Variants in SPAG5 observed in about 807,000 individuals in gnomAD.
SPAG5 encodes sperm-associated antigen 5.
Under a neutral mutation model 145.4 loss-of-function variants are expected in SPAG5, and 99 were observed. The observed-to-expected ratio is 0.68, with a 90% CI of 0.58 to 0.80. The LOEUF (loss-of-function observed/expected upper bound fraction) is 0.80. SPAG5 is among the 30% of genes least tolerant of loss of function. The pLI is 0.00. For missense variants in SPAG5, 1,192 were observed against 1,416.0 expected (o/e 0.84, Z 2.54); for synonymous variants, 477 against 525.4 (o/e 0.91, Z 1.26).
At chr17:28,579,639 G>C in intron 17 of SPAG5, 112 bp downstream of exon 17, 1 of 1,382,110 alleles carries the variant, frequency 7.2e-7, no homozygotes, top group East Asian at 2.3e-5. Flanking sequence ...AATAAAATGA[G>C]CCCAAGTAGA....
intron 2 of SPAG5, among the ~76,000 whole-genome samples, chr17:28,598,202 G>A (rs1054300256): frequency 6.6e-6 from 1 of 152,112 alleles, no homozygotes; most frequent in African/African-American, 2.4e-5. Flanking sequence ...TGACCTTTCC[G>A]TAAGTGACCC....
chr17:28,599,007 G>T lies in SPAG5; in HGVS notation c.-61C>A. On this transcript the variant is annotated 5_prime_UTR_variant, in exon 1 of 24. Coordinates refer to ENST00000321765, the MANE Select transcript of SPAG5 (RefSeq NM_006461.4). ...CAAGTCGAGGACGCCATGTTCACCCGCCGTCTGTGTTTGAACCTGCTCTGC... is the reference window on the plus strand; with the variant it reads ...CAAGTCGAGGACGCCATGTTCACCCTCCGTCTGTGTTTGAACCTGCTCTGC... The T allele has an allele frequency of 6.5e-7, 1 of 1,542,766 alleles. No individual in the cohort carries two copies.
chr17:28,585,739 G>T (rs1417901518), intron 7 of SPAG5, 86 bp from the exon 8 acceptor site: 1 of 1,607,470 alleles, frequency 6.2e-7, no homozygotes, highest in Admixed American at 1.7e-5. Flanking sequence ...CAATAGATCA[G>T]TTCTTTACTG....
rs1301956747 is a variant in SPAG5 at position 28,596,844 on chromosome 17, G to A, written c.177+1666C>T. On this transcript the variant is annotated intron_variant, in intron 2 of 23. Coordinates refer to ENST00000321765, the MANE Select transcript of SPAG5 (RefSeq NM_006461.4). ...ATTCAGGCCGGGCACAGTGGCTCAC[G>A]CCTATAATCCCAGCACTTTGGAAGG... Among the ~76,000 whole-genome samples the A allele has an allele frequency of 2.4e-4, 35 of 147,434 alleles. 1 individual carries two copies. The highest frequency in any genetic ancestry group is 4.4e-4 in the South Asian group (2 of 4,578).
intron 2 of SPAG5, 45 bp downstream of exon 2, chr17:28,598,465 C>G (rs933722798): frequency 6.2e-7 from 1 of 1,602,292 alleles, no homozygotes; most frequent in South Asian, 1.1e-5. Context: ...GAGCTCTCAC[C>G]CTGGGCAAAC....
chr17:28,586,265 C>T, intron 5 of SPAG5, 83 bp from the exon 6 acceptor site: 2 of 1,307,200 alleles, frequency 1.5e-6, no homozygotes, highest in Non-Finnish European at 2.2e-6. Context: ...AACCGCTAAC[C>T]CCAATTCCAA....
At chr17:28,582,585 ATC>A (rs2070555973) in intron 15 of SPAG5, 1 of 152,246 alleles carries the variant, frequency 6.6e-6, no homozygotes, top group South Asian at 2.1e-4. Flanking sequence ...ACAAGTTTAC[ATC>A]TGTTTGTCTT....
chr17:28,596,934 G>A (rs1597600039), intron 2 of SPAG5, among the ~76,000 whole-genome samples: 1 of 145,978 alleles, frequency 6.9e-6, no homozygotes, highest in South Asian at 2.2e-4. Flanking sequence ...GGAGAAACCC[G>A]TCTTTACTGA....
At chr17:28,598,659 G>C in intron 1 of SPAG5, 24 bp from the exon 2 acceptor site, 2 of 1,578,080 alleles carry the variant, frequency 1.3e-6, no homozygotes, top group South Asian at 1.2e-5. Flanking sequence ...CAAGAAAGAG[G>C]GCGAGTGTGA....
intron 1 of SPAG5, 77 bp downstream of exon 1, chr17:28,598,819 C>A (rs2070688462): frequency 7.0e-6 from 11 of 1,575,314 alleles, no homozygotes; most frequent in Non-Finnish European, 9.6e-6. Flanking sequence ...ACCCAACTTT[C>A]CAGGACAGTA....
Sources: allele counts gnomAD v4.1 joint callset (sites outside exome capture counted in the v4.1 genomes callset), GRCh38; gene constraint gnomAD v4.1.1; transcripts MANE v1.5; gene names NCBI Gene and HGNC (gene_info 2026-07-23, HGNC 2026-07-21).